Variants in DMGDH observed in about 807,000 individuals in gnomAD.
DMGDH encodes the protein dimethylglycine dehydrogenase, mitochondrial.
DMGDH carries 76 observed loss-of-function variants against 95.2 expected under a neutral mutation model. The observed-to-expected ratio is 0.80, with a 90% CI of 0.66 to 0.97. The LOEUF is 0.97. DMGDH is among the 50% of genes least tolerant of loss of function. The pLI, the probability that DMGDH is intolerant of heterozygous loss-of-function variation, is 0.00. For missense variants in DMGDH, 987 were observed against 1,055.0 expected (o/e 0.94, Z 0.89); for synonymous variants, 345 against 377.6 (o/e 0.91, Z 1.00).
intron 7 of DMGDH, among the ~76,000 whole-genome samples, chr5:79,041,310 G>A (rs186036480): frequency 3.9e-5 from 6 of 152,330 alleles, no homozygotes; most frequent in Admixed American, 1.3e-4. Context: ...CTGGCACAGA[G>A]CTAGCAGTTA....
intron 1 of DMGDH, among the ~76,000 whole-genome samples, chr5:79,068,496 G>A (rs182135036): frequency 2.6e-5 from 4 of 152,252 alleles, no homozygotes; most frequent in Admixed American, 6.5e-5. Context: ...AACAGATGGC[G>A]CAGGAACTGT....
chr5:79,027,510 T>C (rs1180276552), intron 12 of DMGDH, among the ~76,000 whole-genome samples: 1 of 152,178 alleles, frequency 6.6e-6, no homozygotes, highest in African/African-American at 2.4e-5. Flanking sequence ...TATAATTGAA[T>C]GAATGCCTGG....
intron 15 of DMGDH, among the ~76,000 whole-genome samples, chr5:79,004,678 T>C (rs577875715): frequency 6.6e-6 from 1 of 152,100 alleles, no homozygotes; most frequent in Non-Finnish European, 1.5e-5. Context: ...GAAAATAAAG[T>C]CCCATTGATA....
intron 15 of DMGDH, chr5:79,000,894 C>A: frequency 1.5e-6 from 1 of 660,432 alleles, no homozygotes. Context: ...CCCTTTAAGC[C>A]AATGAGCATT....
At chr5:79,020,343 C>T (rs1046674222) in intron 14 of DMGDH, among the ~76,000 whole-genome samples, 1 of 152,204 alleles carries the variant, frequency 6.6e-6, no homozygotes, top group Non-Finnish European at 1.5e-5. Context: ...AAATTTTCTG[C>T]CTCCTCAATT....
At chr5:79,014,790 C>T (rs986712011) in intron 14 of DMGDH, among the ~76,000 whole-genome samples, 1 of 152,112 alleles carries the variant, frequency 6.6e-6, no homozygotes, top group African/African-American at 2.4e-5. Flanking sequence ...ATAGATTAAG[C>T]AATACATCTA....
chr5:79,012,250 G>C (rs1753659518), intron 14 of DMGDH, among the ~76,000 whole-genome samples: 1 of 152,160 alleles, frequency 6.6e-6, no homozygotes, highest in East Asian at 1.9e-4. Context: ...ACCCAGCAGG[G>C]AAGTCATTAA....
At position 79,033,368 on chromosome 5, in the gene DMGDH, T is replaced by C; in HGVS notation, c.1234A>G (p.Ser412Gly). 6.2e-7 allele frequency: 1 copy of C among 1,614,214 alleles called. No individual in the cohort carries two copies. The highest frequency in any genetic ancestry group is 8.5e-7 in the Non-Finnish European group (1 of 1,180,042). Residue 412 changes from serine to glycine, a missense_variant, in exon 8 of 16, where the codon AGT becomes GGT. By Grantham distance (56) the Ser-to-Gly change is moderately conservative (BLOSUM62 0). Transcript: ENST00000255189. ...IHAGGVGKYL[S>G]DWILHGEPPF... The stretch of plus-strand genomic sequence containing the variant: ...GGTTCTCCATGCAGGATCCAGTCAC[T>C]GAGATATTTCCCTACCCCACCAGCG...
chr5:79,060,488 A>G (rs906418855), intron 2 of DMGDH, among the ~76,000 whole-genome samples: 1 of 151,706 alleles, frequency 6.6e-6, no homozygotes, highest in Non-Finnish European at 1.5e-5. Flanking sequence ...TGATTCCCAC[A>G]CTCTCCAGAC....
intron 14 of DMGDH, among the ~76,000 whole-genome samples, chr5:79,008,366 A>C (rs1163305323): frequency 1.3e-5 from 2 of 152,192 alleles, no homozygotes; most frequent in African/African-American, 4.8e-5. Flanking sequence ...AATCTGATCT[A>C]CACAAAAACA....
intron 7 of DMGDH, among the ~76,000 whole-genome samples, chr5:79,035,607 G>A (rs1291530060): frequency 6.6e-6 from 1 of 152,094 alleles, no homozygotes; most frequent in South Asian, 2.1e-4. Flanking sequence ...ATTTTTGACA[G>A]ACTTCCAGGG....
At chr5:79,021,551 A>G in intron 14 of DMGDH, 1 of 1,290,194 alleles carries the variant, frequency 7.8e-7, no homozygotes, top group South Asian at 1.2e-5. Flanking sequence ...GTTCTTCAGT[A>G]CTCCATTGTT....
At chr5:79,010,252 T>G (rs1341264814) in intron 14 of DMGDH, among the ~76,000 whole-genome samples, 1 of 152,176 alleles carries the variant, frequency 6.6e-6, no homozygotes, top group Non-Finnish European at 1.5e-5. Flanking sequence ...TAAATCAGTA[T>G]ATTTTTGGTT....
intron 7 of DMGDH, among the ~76,000 whole-genome samples, chr5:79,041,340 A>G (rs150612690): frequency 6.6e-6 from 1 of 152,338 alleles, no homozygotes; most frequent in East Asian, 1.9e-4. Context: ...AGTTGAATAA[A>G]TGGCCAAATA....
At chr5:79,058,215 A>G (rs1230617210) in intron 2 of DMGDH, among the ~76,000 whole-genome samples, 2 of 152,214 alleles carry the variant, frequency 1.3e-5, no homozygotes, top group African/African-American at 2.4e-5. Context: ...TCACTCAGAC[A>G]TAGAAATTAT....
At chr5:79,028,781 C>G in intron 11 of DMGDH, 131 bp from the exon 12 acceptor site, 4 of 1,010,044 alleles carry the variant, frequency 4.0e-6, no homozygotes, top group African/African-American at 1.6e-5. Context: ...TTCATGAAAT[C>G]ACACTGATTT....
At chr5:79,033,509 T>G in intron 7 of DMGDH, 101 bp from the exon 8 acceptor site, 3 of 1,363,524 alleles carry the variant, frequency 2.2e-6, no homozygotes, top group Non-Finnish European at 3.1e-6. Context: ...GACTGTTCTG[T>G]GCTAATCAGA....
rs1475545465 is a variant in DMGDH, at chr5:79,069,566, G to C, written c.55C>G (p.Leu19Val). The change falls in exon 1 of 16, where the codon CTG becomes GTG. Residue 19 changes from leucine (L) to valine (V), a missense_variant. Physicochemically the swap from Leu to Val is conservative, Grantham distance 32. Coordinates refer to ENST00000255189, the MANE Select transcript of DMGDH (RefSeq NM_013391.3). ...CGCGGGCGCCCGGGGGAGCCCTGCA[G>C]CGGGCAGCTCCGCAGCAGGAGGCCC... ...LRGLLLRSCP[L>V]QGSPGRPRSV... The C allele has an allele frequency of 7.4e-7, 1 of 1,343,974 alleles. No homozygotes were observed. 83.3% of individuals were successfully genotyped at this position (1,343,974 alleles called of 1,614,324 possible).
Position 79,051,504 on chromosome 5 carries a change from T to C in DMGDH, c.541-13A>G, listed in dbSNP as rs772722737. The C allele has an allele frequency of 3.1e-6, 5 of 1,608,258 alleles. No individual in the cohort carries two copies. Among genetic ancestry groups the C allele is most frequent in the Admixed American group, 3.3e-5 (2 of 59,996 alleles). On this transcript the variant is annotated splice_polypyrimidine_tract_variant and intron_variant, in intron 4 of 15. Coordinates refer to ENST00000255189, the MANE Select transcript of DMGDH (RefSeq NM_013391.3). The stretch of plus-strand genomic sequence containing the variant: ...ATCCAGCTAAAACCTAAATCAATCA[T>C]ACCAGAGTCAATACTCAAATATATA...
Sources: gnomAD v4.1 joint callset for allele counts (sites outside exome capture counted in the v4.1 genomes callset) on GRCh38, gnomAD v4.1.1 for gene constraint, MANE v1.5 for transcripts, NCBI Gene and HGNC (gene_info 2026-07-23, HGNC 2026-07-21) for gene names.